The following NDUFAF2 variants were observed in gnomAD, a reference collection of about 807,000 sequenced individuals.
The protein encoded by NDUFAF2 is NADH:ubiquinone oxidoreductase complex assembly factor 2.
In NDUFAF2, 13 loss-of-function variants were observed where a neutral mutation model predicts 22.8. The observed-to-expected ratio is 0.57, with a 90% CI of 0.37 to 0.91. The LOEUF is 0.91. NDUFAF2 is among the 40% of genes least tolerant of loss of function. NDUFAF2 has a pLI of 0.01. For synonymous variants in NDUFAF2, 53 were observed against 64.2 expected, an observed-to-expected ratio of 0.83 and a Z score of 0.84; for missense variants, 162 against 195.2, an observed-to-expected ratio of 0.83 and a Z score of 1.01.
At chr5:61,013,937 A>G (rs1351645342) in intron 1 of NDUFAF2, among the ~76,000 whole-genome samples, 2 of 152,170 alleles carry the variant, frequency 1.3e-5, no homozygotes, top group African/African-American at 2.4e-5. Context: ...ATTGAATTTG[A>G]TTGTAGGTGT....
chr5:61,096,086 G>A (rs1173563906), intron 2 of NDUFAF2, among the ~76,000 whole-genome samples: 1 of 152,120 alleles, frequency 6.6e-6, no homozygotes. Context: ...CAAAGGAATT[G>A]TGGTATTGCT....
intron 1 of NDUFAF2, among the ~76,000 whole-genome samples, chr5:60,979,500 G>T (rs1750947643): frequency 6.6e-6 from 1 of 152,196 alleles, no homozygotes; most frequent in African/African-American, 2.4e-5. Flanking sequence ...CTTGGGCCTT[G>T]AGTGAACAAT....
chr5:61,036,474 A>G (rs1580106231), intron 1 of NDUFAF2, among the ~76,000 whole-genome samples: 1 of 152,166 alleles, frequency 6.6e-6, no homozygotes, highest in South Asian at 2.1e-4. Context: ...ACTAATAACT[A>G]TTTTTTTAAA....
chr5:61,067,710 T>A (rs1003822257), intron 1 of NDUFAF2, among the ~76,000 whole-genome samples: 10 of 152,108 alleles, frequency 6.6e-5, no homozygotes, highest in African/African-American at 2.4e-4. Flanking sequence ...GTATTTCTAG[T>A]TCTAGATCCC....
chr5:61,028,679 A>G (rs1751687000), intron 1 of NDUFAF2, among the ~76,000 whole-genome samples: 1 of 152,110 alleles, frequency 6.6e-6, no homozygotes, highest in South Asian at 2.1e-4. Context: ...TATCCTTTTC[A>G]ACTCATGCTT....
chr5:60,989,332 A>G (rs1751126437), intron 1 of NDUFAF2, among the ~76,000 whole-genome samples: 2 of 152,180 alleles, frequency 1.3e-5, no homozygotes, highest in South Asian at 4.1e-4. Flanking sequence ...TAGTTCACCC[A>G]TTGTGGAAAT....
chr5:60,971,797 C>CT (rs898964508), intron 1 of NDUFAF2, among the ~76,000 whole-genome samples: 11 of 152,038 alleles, frequency 7.2e-5, no homozygotes, highest in Admixed American at 5.2e-4. Flanking sequence ...TGAACTCATC[C>CT]TTTTTTATGG....
At chr5:60,964,562 T>C (rs1398726154) in intron 1 of NDUFAF2, among the ~76,000 whole-genome samples, 1 of 151,938 alleles carries the variant, frequency 6.6e-6, no homozygotes, top group Non-Finnish European at 1.5e-5. Context: ...GCGATTCTCC[T>C]GCTTCAGCCT....
chr5:60,996,506 G>A (rs953014573), intron 1 of NDUFAF2, among the ~76,000 whole-genome samples: 1 of 152,054 alleles, frequency 6.6e-6, no homozygotes, highest in Non-Finnish European at 1.5e-5. Context: ...TGTAGCATGG[G>A]GTTAGGAGAG....
intron 3 of NDUFAF2, among the ~76,000 whole-genome samples, chr5:61,100,687 G>A (rs1377303723): frequency 2.0e-5 from 3 of 151,988 alleles, no homozygotes; most frequent in Non-Finnish European, 2.9e-5. Flanking sequence ...ACTGAAATCC[G>A]TCTGTGCCTG....
At chr5:61,125,311 C>G (rs189326673) in intron 3 of NDUFAF2, among the ~76,000 whole-genome samples, 131 of 152,076 alleles carry the variant, frequency 8.6e-4, no homozygotes, top group Non-Finnish European at 1.4e-3. Flanking sequence ...ATATTGTCAG[C>G]TCTTTTCTTA....
chr5:61,117,672 C>CT lies in NDUFAF2; in HGVS notation c.258+18648dup, dbSNP rs202083449. 8.2e-3 allele frequency among the ~76,000 whole-genome samples: 1,062 copies of CT among 128,962 alleles called. 6 individuals are homozygous for CT. Among genetic ancestry groups the CT allele is most frequent in the Middle Eastern group, 0.061 (16 of 262 alleles). 84.6% of individuals were successfully genotyped at this position (128,962 alleles called of 152,430 possible). On this transcript the variant is annotated intron_variant, in intron 3 of 3. Transcript: ENST00000296597. ...TGCCCAGCCCAATGCATATGATTGA[C>CT]TTTTTTTTAAAAAAAAAAGAATGTT...
intron 1 of NDUFAF2, among the ~76,000 whole-genome samples, chr5:60,991,202 ATAG>A (rs1345314297): frequency 6.6e-6 from 1 of 152,148 alleles, no homozygotes; most frequent in Non-Finnish European, 1.5e-5. Context: ...TTGTGGGTAC[ATAG>A]TAGGTGTATA....
At chr5:61,047,208 A>G (rs1455876932) in intron 1 of NDUFAF2, among the ~76,000 whole-genome samples, 1 of 152,142 alleles carries the variant, frequency 6.6e-6, no homozygotes, top group Admixed American at 6.6e-5. Context: ...TACAAAGCTA[A>G]TACATATAAT....
intron 1 of NDUFAF2, among the ~76,000 whole-genome samples, chr5:61,027,261 A>G (rs1347384057): frequency 6.7e-6 from 1 of 149,920 alleles, no homozygotes; most frequent in African/African-American, 2.4e-5. Context: ...AGAAGAGTAT[A>G]TATTTCTGCT....
rs768120714 is a variant in NDUFAF2, at chr5:61,073,148, A to G, written c.151A>G (p.Ile51Val). Residue 51 changes from isoleucine (I) to valine (V), a missense_variant, in exon 2 of 4, where the codon ATT becomes GTT. This residue lies in a region of NDUFAF2 where 94 missense variants were observed against 85.2 expected (regional missense o/e 1.10). Transcript: ENST00000296597. ...AGGACAAACTATTCGAGAGAAAAGA[A>G]TTGTAGAAGCAGCAAATAAAAAAGA... Reference protein sequence around the residue: ...WRGQTIREKRIVEAANKKEVD... With the variant: ...WRGQTIREKRVVEAANKKEVD... 16 of 1,612,422 alleles carry G rather than the reference A, an allele frequency of 9.9e-6. No homozygotes were observed. Among genetic ancestry groups the G allele is most frequent in the Non-Finnish European group, 1.3e-5 (15 of 1,178,772 alleles).
chr5:61,089,986 T>G (rs1333628932), intron 2 of NDUFAF2, among the ~76,000 whole-genome samples: 1 of 151,996 alleles, frequency 6.6e-6, no homozygotes, highest in Non-Finnish European at 1.5e-5. Context: ...GATTGTTATT[T>G]AGAGTTGTTT....
intron 1 of NDUFAF2, among the ~76,000 whole-genome samples, chr5:60,952,707 GT>G (rs2112563399): frequency 6.6e-6 from 1 of 152,180 alleles, no homozygotes; most frequent in South Asian, 2.1e-4. Flanking sequence ...GCCCAAGCTG[GT>G]TGATAGAGTT....
chr5:61,136,205 G>A (rs1414064456), intron 3 of NDUFAF2, among the ~76,000 whole-genome samples: 1 of 151,258 alleles, frequency 6.6e-6, no homozygotes, highest in East Asian at 1.9e-4. Flanking sequence ...AAAGGGCTTT[G>A]AGTTTTTCTA....
Sources: gnomAD v4.1 joint callset for allele counts (sites outside exome capture counted in the v4.1 genomes callset) on GRCh38, gnomAD v4.1.1 for gene constraint, gnomAD v4.1.1 regional missense constraint, MANE v1.5 for transcripts, NCBI Gene and HGNC (gene_info 2026-07-23, HGNC 2026-07-21) for gene names.